FNDC3B: variants seen among roughly 807,000 people sequenced by gnomAD.
FNDC3B encodes the protein fibronectin type III domain-containing protein 3B.
FNDC3B carries 12 observed loss-of-function variants against 151.5 expected under a neutral mutation model. That is an observed-to-expected ratio of 0.08 (90% CI 0.05 to 0.13). The LOEUF (loss-of-function observed/expected upper bound fraction) is 0.13. FNDC3B is among the 10% of genes least tolerant of loss of function. The pLI is 1.00. For synonymous variants in FNDC3B, 528 were observed against 549.0 expected, an observed-to-expected ratio of 0.96 and a Z score of 0.54; for missense variants, 1,214 against 1,505.3, an observed-to-expected ratio of 0.81 and a Z score of 3.20.
intron 1 of FNDC3B, among the ~76,000 whole-genome samples, chr3:172,084,036 A>G (rs1718421256): frequency 1.3e-5 from 2 of 152,146 alleles, no homozygotes; most frequent in African/African-American, 4.8e-5. Flanking sequence ...CCTAGAGTTC[A>G]TGGAGGTTGC....
chr3:172,365,074 G>A (rs776100112), intron 23 of FNDC3B, among the ~76,000 whole-genome samples: 2 of 152,182 alleles, frequency 1.3e-5, no homozygotes, highest in Admixed American at 6.5e-5. Context: ...GTAGTGAGTG[G>A]CCTTTTGAAT....
chr3:172,283,468 G>A (rs982451044), intron 6 of FNDC3B, among the ~76,000 whole-genome samples: 1 of 152,086 alleles, frequency 6.6e-6, no homozygotes, highest in Non-Finnish European at 1.5e-5. Context: ...TCCCTTCCTT[G>A]TGTGTTGAGT....
intron 1 of FNDC3B, among the ~76,000 whole-genome samples, chr3:172,080,336 T>TA (rs1368962913): frequency 6.6e-6 from 1 of 152,162 alleles, no homozygotes; most frequent in Non-Finnish European, 1.5e-5. Context: ...AGTGGCATGA[T>TA]ACTAGCTCAC....
At chr3:172,189,545 ATTT>A (rs915523143) in intron 3 of FNDC3B, among the ~76,000 whole-genome samples, 15 of 151,844 alleles carry the variant, frequency 9.9e-5, no homozygotes, top group African/African-American at 3.4e-4. Context: ...ATTTACTTGA[ATTT>A]TTTTTTATTT....
chr3:172,162,418 T>C (rs1722825026), intron 3 of FNDC3B, among the ~76,000 whole-genome samples: 1 of 152,216 alleles, frequency 6.6e-6, no homozygotes, highest in Non-Finnish European at 1.5e-5. Context: ...TGTTTCCCCT[T>C]TTTGGCTATT....
Position 172,040,643 on chromosome 3 carries a change from G to C in FNDC3B, c.-29+872G>C, listed in dbSNP as rs1340345824. The stretch of plus-strand genomic sequence containing the variant: ...AGCTCCGGTCAGTCGGTCACCCCGA[G>C]GGGCGCCTCGGCCGGGGATAGGGCG... On this transcript the variant is annotated intron_variant, in intron 1 of 25. Coordinates refer to ENST00000415807, the MANE Select transcript of FNDC3B (RefSeq NM_022763.4). This position sits in a 1 kb window ranked among gnomAD's most constrained non-coding sequence, Gnocchi z 6.6. 1 of 151,984 alleles carries C rather than the reference G, an allele frequency of 6.6e-6. No homozygotes were observed. The highest frequency in any genetic ancestry group is 1.5e-5 in the Non-Finnish European group (1 of 67,986). The allele number at this position is 151,984 out of a possible 1,614,324, so 9.4% of individuals were successfully genotyped here. A position where few individuals can be genotyped will look rare whatever the true frequency, so the allele number is the denominator to read the frequency against.
intron 23 of FNDC3B, among the ~76,000 whole-genome samples, chr3:172,371,129 C>T (rs1435063876): frequency 6.6e-6 from 1 of 152,078 alleles, no homozygotes; most frequent in African/African-American, 2.4e-5. Context: ...TTGCCCACCC[C>T]CACAAATCCA....
At chr3:172,383,577 T>TA (rs1323555760) in intron 25 of FNDC3B, among the ~76,000 whole-genome samples, 2 of 152,194 alleles carry the variant, frequency 1.3e-5, no homozygotes, top group African/African-American at 4.8e-5. Flanking sequence ...GGGAATCTGT[T>TA]AAAATGCAGA....
At chr3:172,317,479 C>T (rs1370483827) in intron 11 of FNDC3B, among the ~76,000 whole-genome samples, 2 of 152,150 alleles carry the variant, frequency 1.3e-5, no homozygotes, top group Admixed American at 6.5e-5. Flanking sequence ...CCACCACGCC[C>T]GGCCGGGGAT....
chr3:172,102,833 T>G (rs1719440619), intron 1 of FNDC3B, among the ~76,000 whole-genome samples: 1 of 152,266 alleles, frequency 6.6e-6, no homozygotes, highest in African/African-American at 2.4e-5. Flanking sequence ...TTTTTCACTA[T>G]CTGACTACAG....
chr3:172,208,466 C>T (rs902945841), intron 3 of FNDC3B, among the ~76,000 whole-genome samples: 1 of 151,910 alleles, frequency 6.6e-6, no homozygotes, highest in Non-Finnish European at 1.5e-5. Flanking sequence ...TGGAGAAGAC[C>T]GAATGTGTAG....
At chr3:172,323,758 G>A (rs1162013389) in intron 11 of FNDC3B, among the ~76,000 whole-genome samples, 1 of 152,042 alleles carries the variant, frequency 6.6e-6, no homozygotes, top group African/African-American at 2.4e-5. Context: ...GGAGGTTATT[G>A]CCATTCTTCA....
chr3:172,216,239 A>G (rs138708512), intron 3 of FNDC3B, among the ~76,000 whole-genome samples: 1 of 152,322 alleles, frequency 6.6e-6, no homozygotes, highest in Non-Finnish European at 1.5e-5. Flanking sequence ...TTGCATTTGT[A>G]TAATTCTTTA....
chr3:172,271,525 C>A lies in FNDC3B; in HGVS notation c.791-14401C>A, dbSNP rs143601746. ...TCAGAATGGTTTATGCGCTCTTATT[C>A]TGATGAAAAAGAAGATGAAAACATT... is the stretch of plus-strand genomic sequence containing the variant. On this transcript the variant is annotated intron_variant, in intron 6 of 25. Transcript: ENST00000415807. Among the ~76,000 whole-genome samples the A allele has an allele frequency of 4.4e-3, 665 of 152,254 alleles. 7 individuals carry two copies. The highest frequency in any genetic ancestry group is 0.015 in the African/African-American group (642 of 41,542).
chr3:172,226,837 C>T, intron 3 of FNDC3B, 34 bp from the exon 4 acceptor site: 1 of 1,282,890 alleles, frequency 7.8e-7, no homozygotes, highest in Non-Finnish European at 1.1e-6. Context: ...ATGTATGTTT[C>T]TTCAGCTATT....
chr3:172,381,579 T>A (rs1735440641), intron 25 of FNDC3B, among the ~76,000 whole-genome samples: 1 of 152,074 alleles, frequency 6.6e-6, no homozygotes, highest in Non-Finnish European at 1.5e-5. Context: ...CATCAACCTG[T>A]CATCTACATT....
intron 3 of FNDC3B, among the ~76,000 whole-genome samples, chr3:172,161,069 T>C (rs1722740476): frequency 6.6e-6 from 1 of 152,264 alleles, no homozygotes; most frequent in African/African-American, 2.4e-5. Flanking sequence ...CAGTGACTAT[T>C]CTTGGTATGT....
chr3:172,160,474 A>G (rs992337358), intron 3 of FNDC3B, among the ~76,000 whole-genome samples: 1 of 152,214 alleles, frequency 6.6e-6, no homozygotes, highest in African/African-American at 2.4e-5. Flanking sequence ...CTAAGAAGTC[A>G]TGTGAAATCT....
At chr3:172,044,283 CTTTTTTTTT>C in intron 1 of FNDC3B, among the ~76,000 whole-genome samples, 1 of 110,408 alleles carries the variant, frequency 9.1e-6, no homozygotes, top group South Asian at 2.8e-4. Flanking sequence ...AATTCCAACT[CTTTTTTTTT>C]TTTTTTTTTT....
Sources: gnomAD v4.1 joint callset for allele counts (sites outside exome capture counted in the v4.1 genomes callset) on GRCh38, gnomAD v4.1.1 for gene constraint, Gnocchi (gnomAD v3.1) non-coding constraint, MANE v1.5 for transcripts, NCBI Gene and HGNC (gene_info 2026-07-23, HGNC 2026-07-21) for gene names.